ARID2: variants seen among roughly 807,000 people sequenced by gnomAD.
ARID2 encodes AT-rich interactive domain-containing protein 2.
A neutral mutation model predicts 184.6 loss-of-function variants in ARID2; 32 were observed. The observed-to-expected ratio is 0.17, with a 90% CI of 0.13 to 0.23. The LOEUF is 0.23. Among genes scored for constraint, ARID2 ranks in the 10% least tolerant of loss-of-function variants. The pLI is 1.00. For synonymous variants in ARID2, 836 were observed against 772.6 expected (o/e 1.08, Z -1.36); for missense variants, 1,696 against 2,197.6 (o/e 0.77, Z 4.56).
At chr12:45,849,937 G>A (rs1943511432) in intron 14 of ARID2, 99 bp from the exon 15 acceptor site, 2 of 1,464,622 alleles carry the variant, frequency 1.4e-6, no homozygotes, top group Admixed American at 2.5e-5. Flanking sequence ...ATTGTTAGAT[G>A]TTAATTTCTT....
chr12:45,769,681 A>G (rs1009934114), intron 3 of ARID2, among the ~76,000 whole-genome samples: 2 of 152,214 alleles, frequency 1.3e-5, no homozygotes, highest in Non-Finnish European at 2.9e-5. Flanking sequence ...AAAAACATTA[A>G]TCTATATGTC....
At chr12:45,885,771 A>G (rs776910493) in intron 16 of ARID2, among the ~76,000 whole-genome samples, 1 of 152,206 alleles carries the variant, frequency 6.6e-6, no homozygotes, top group Non-Finnish European at 1.5e-5. Flanking sequence ...GCAAACAGGG[A>G]TAAGCCCTTT....
intron 4 of ARID2, among the ~76,000 whole-genome samples, chr12:45,811,896 C>G (rs1013774891): frequency 3.9e-5 from 6 of 152,112 alleles, no homozygotes; most frequent in Non-Finnish European, 8.8e-5. Flanking sequence ...CTTATAGAGT[C>G]TATTAGATTT....
chr12:45,900,240 T>TA (rs1231071109), intron 20 of ARID2, among the ~76,000 whole-genome samples: 2 of 152,100 alleles, frequency 1.3e-5, no homozygotes, highest in Non-Finnish European at 2.9e-5. Flanking sequence ...TTTTTATTTC[T>TA]AGTGGAGATG....
At chr12:45,864,835 T>C (rs545828483) in intron 16 of ARID2, among the ~76,000 whole-genome samples, 1 of 152,348 alleles carries the variant, frequency 6.6e-6, no homozygotes, top group East Asian at 1.9e-4. Flanking sequence ...TTGCCTTCTT[T>C]GAGGAATAGT....
chr12:45,812,385 G>A (rs1322333075), intron 4 of ARID2, among the ~76,000 whole-genome samples: 30 of 150,610 alleles, frequency 2.0e-4, no homozygotes, highest in Admixed American at 1.5e-3. Context: ...CTTTTTTTTC[G>A]TATTATCTAT....
In ARID2 at chr12:45,905,411, A is replaced by C. The variant is rs1944511273; in HGVS notation, c.*333A>C. The C allele has an allele frequency of 8.2e-6, 2 of 243,972 alleles. No homozygotes were observed. Among genetic ancestry groups the C allele is most frequent in the African/African-American group, 4.4e-5 (2 of 45,642 alleles). 15.1% of individuals were successfully genotyped at this position (243,972 alleles called of 1,614,324 possible). ...CCATCCACATTGGAATATACATGGA[A>C]TATTGTAAAACCTACATGAGCAGAT... On this transcript the variant is annotated 3_prime_UTR_variant, in exon 21 of 21. Transcript: ENST00000334344.
chr12:45,863,094 G>A (rs1003491126), intron 16 of ARID2, among the ~76,000 whole-genome samples: 1 of 152,180 alleles, frequency 6.6e-6, no homozygotes, highest in Non-Finnish European at 1.5e-5. Flanking sequence ...TAGTTTCATA[G>A]TGCTGTTTGC....
chr12:45,872,580 A>G (rs970663692), intron 16 of ARID2, among the ~76,000 whole-genome samples: 1 of 152,180 alleles, frequency 6.6e-6, no homozygotes, highest in African/African-American at 2.4e-5. Flanking sequence ...TGGCAGCAAG[A>G]GAGAGAAGTG....
chr12:45,761,056 A>C (rs992224536), intron 3 of ARID2, among the ~76,000 whole-genome samples: 2 of 152,104 alleles, frequency 1.3e-5, no homozygotes, highest in African/African-American at 4.8e-5. Flanking sequence ...TAAACTGAGA[A>C]TATGTCTTCT....
rs374110606 is a variant in ARID2, at chr12:45,809,247, T to G, written c.285-2171T>G. 3.3e-5 allele frequency among the ~76,000 whole-genome samples: 5 copies of G among 152,354 alleles called. No individual in the cohort carries two copies. The East Asian group carries it at 5.8e-4, about 18-fold the overall frequency. ...ATGAGTTCAAACAATTCTAAAAGAT[T>G]GTACTATGTAAAATACCTTTATGAA... On this transcript the variant is annotated intron_variant, in intron 3 of 20. Coordinates refer to ENST00000334344, the MANE Select transcript of ARID2 (RefSeq NM_152641.4).
intron 6 of ARID2, among the ~76,000 whole-genome samples, chr12:45,830,814 G>T (rs905746277): frequency 1.3e-5 from 2 of 152,128 alleles, no homozygotes; most frequent in Admixed American, 6.5e-5. Context: ...CTTTGACTTT[G>T]GGAAGCTCAG....
chr12:45,751,896 C>T (rs1460303528), intron 3 of ARID2, among the ~76,000 whole-genome samples: 2 of 152,164 alleles, frequency 1.3e-5, no homozygotes, highest in Non-Finnish European at 2.9e-5. Flanking sequence ...TGTCATTTTG[C>T]AGTGCATGAC....
intron 6 of ARID2, among the ~76,000 whole-genome samples, chr12:45,830,987 G>T (rs1221600000): frequency 6.6e-6 from 1 of 151,612 alleles, no homozygotes; most frequent in Non-Finnish European, 1.5e-5. Flanking sequence ...GAGCCCAGGA[G>T]GCAGAGGTTG....
chr12:45,893,555 T>TTGAA lies in ARID2; in HGVS notation c.5271+13_5271+16dup, dbSNP rs1565642142. ...TTCGAGATTTTACAGTAAGCATGCC[T>TTGAA]TGAAACCCTTATCTGTAAAAGTCTG... On this transcript the variant is annotated intron_variant, in intron 19 of 20. Transcript: ENST00000334344. 6.2e-7 allele frequency: 1 copy of TTGAA among 1,612,988 alleles called. No homozygotes were observed. The highest frequency in any genetic ancestry group is 8.5e-7 in the Non-Finnish European group (1 of 1,179,484).
Position 45,757,634 on chromosome 12 carries a change from A to G in ARID2, c.284+26320A>G, listed in dbSNP as rs575521675. Among the ~76,000 whole-genome samples, 4 of 152,368 alleles carry G rather than the reference A, an allele frequency of 2.6e-5. No individual in the cohort carries two copies. In the South Asian group the frequency reaches 8.3e-4, roughly 32 times the overall value. On this transcript the variant is annotated intron_variant, in intron 3 of 20. Coordinates refer to ENST00000334344, the MANE Select transcript of ARID2 (RefSeq NM_152641.4). ...TAGTGGAATTTATTTAGAATGCACT[A>G]GAAGAGTAAAAACAGTTAACATTCA...
chr12:45,777,602 A>G (rs1420357083), intron 3 of ARID2, among the ~76,000 whole-genome samples: 2 of 151,928 alleles, frequency 1.3e-5, no homozygotes, highest in African/African-American at 2.4e-5. Context: ...TGCAGGTTAT[A>G]CTACTAAAGT....
chr12:45,790,608 A>G (rs550111574), intron 3 of ARID2, among the ~76,000 whole-genome samples: 20 of 152,224 alleles, frequency 1.3e-4, no homozygotes, highest in Non-Finnish European at 2.8e-4. Flanking sequence ...ATAACATTGT[A>G]TGCAGCAATC....
At position 45,905,940 on chromosome 12, in the gene ARID2, C is replaced by CTT. The variant is rs1362533296; in HGVS notation, c.*872_*873dup. 2.3e-4 allele frequency: 41 copies of CTT among 178,922 alleles called. No homozygotes were observed. Among genetic ancestry groups the CTT allele is most frequent in the African/African-American group, 6.9e-4 (25 of 36,136 alleles). 11.1% of individuals were successfully genotyped at this position (178,922 alleles called of 1,614,324 possible). ...GAACTGTGATTTTTTTTTCTTTTTTCTTTTTTTTTTTCTTTTTTTTTTTGT... is the reference window on the plus strand; with the variant it reads ...GAACTGTGATTTTTTTTTCTTTTTTCTTTTTTTTTTTTTCTTTTTTTTTTTGT... On this transcript the variant is annotated 3_prime_UTR_variant, in exon 21 of 21. Transcript: ENST00000334344.
Sources: allele counts gnomAD v4.1 joint callset (sites outside exome capture counted in the v4.1 genomes callset), GRCh38; gene constraint gnomAD v4.1.1; transcripts MANE v1.5; gene names NCBI Gene and HGNC (gene_info 2026-07-23, HGNC 2026-07-21).